The following ADAM9 variants were observed in gnomAD, a reference collection of about 807,000 sequenced individuals.
ADAM9 encodes disintegrin and metalloproteinase domain-containing protein 9.
Under a neutral mutation model 108.1 loss-of-function variants are expected in ADAM9, and 54 were observed. The observed-to-expected ratio is 0.50, with a 90% CI of 0.40 to 0.63. ADAM9 has a LOEUF of 0.63. Among genes scored for constraint, ADAM9 ranks in the 20% least tolerant of loss-of-function variants. The pLI is 0.00. For missense variants in ADAM9, 830 were observed against 997.7 expected (o/e 0.83, Z 2.26); for synonymous variants, 316 against 336.0 (o/e 0.94, Z 0.65).
intron 12 of ADAM9, among the ~76,000 whole-genome samples, chr8:39,042,710 T>C (rs1309368231): frequency 1.3e-5 from 2 of 152,234 alleles, no homozygotes; most frequent in Admixed American, 6.5e-5. Context: ...ATACAGTAGG[T>C]ACATTTATAA....
At chr8:39,101,592 G>T (rs1839695911) in intron 20 of ADAM9, among the ~76,000 whole-genome samples, 1 of 152,114 alleles carries the variant, frequency 6.6e-6, no homozygotes, top group Non-Finnish European at 1.5e-5. Flanking sequence ...AAATTACCCT[G>T]AGGTTATATG....
intron 1 of ADAM9, among the ~76,000 whole-genome samples, chr8:39,002,127 A>G (rs1836014564): frequency 6.6e-6 from 1 of 151,620 alleles, no homozygotes; most frequent in East Asian, 1.9e-4. Context: ...GATCTAATTG[A>G]AACAATTTCT....
chr8:39,077,153 G>A, intron 15 of ADAM9, 75 bp from the exon 16 acceptor site: 1 of 1,501,234 alleles, frequency 6.7e-7, no homozygotes. Context: ...CTGTCCATAT[G>A]CAAATATATA....
At chr8:39,066,974 A>G (rs1256626227) in intron 14 of ADAM9, among the ~76,000 whole-genome samples, 2 of 152,216 alleles carry the variant, frequency 1.3e-5, no homozygotes, top group Non-Finnish European at 2.9e-5. Context: ...ACATATGGCT[A>G]GCCAGTTTTC....
At chr8:39,032,991 C>T (rs575936300) in intron 11 of ADAM9, among the ~76,000 whole-genome samples, 1 of 152,112 alleles carries the variant, frequency 6.6e-6, no homozygotes, top group Non-Finnish European at 1.5e-5. Context: ...TGATTAGGAT[C>T]GCATTGAATG....
At chr8:39,011,463 T>C (rs978283493) in intron 2 of ADAM9, among the ~76,000 whole-genome samples, 195 bp from the exon 3 acceptor site, 1 of 152,206 alleles carries the variant, frequency 6.6e-6, no homozygotes, top group Non-Finnish European at 1.5e-5. Context: ...TGATCAGTTA[T>C]GAAAGGAAGG....
chr8:39,011,584 T>C, intron 2 of ADAM9, 74 bp from the exon 3 acceptor site: 1 of 1,351,158 alleles, frequency 7.4e-7, no homozygotes, highest in Admixed American at 1.7e-5. Flanking sequence ...ATTTCCTGCA[T>C]CTTATAAATG....
intron 14 of ADAM9, among the ~76,000 whole-genome samples, chr8:39,060,138 T>C (rs1337063188): frequency 6.6e-6 from 1 of 152,218 alleles, no homozygotes; most frequent in African/African-American, 2.4e-5. Context: ...ATTTCTACTT[T>C]AAGGCCCAGT....
At chr8:39,037,118 GC>G (rs1837304588) in intron 11 of ADAM9, among the ~76,000 whole-genome samples, 1 of 125,728 alleles carries the variant, frequency 8.0e-6, no homozygotes, top group Non-Finnish European at 1.6e-5. Flanking sequence ...GTGCAGTGGC[GC>G]AGTCTCGGCT....
At chr8:39,057,955 C>T (rs967826462) in intron 14 of ADAM9, among the ~76,000 whole-genome samples, 3 of 152,148 alleles carry the variant, frequency 2.0e-5, no homozygotes, top group Admixed American at 6.5e-5. Context: ...CCCATAGACA[C>T]CTTAAACCAT....
chr8:39,015,230 G>A (rs1836488499), intron 4 of ADAM9: 1 of 152,164 alleles, frequency 6.6e-6, no homozygotes. Context: ...TGTAATAATA[G>A]TTACCACTTT....
chr8:39,002,673 T>G (rs190377962), intron 1 of ADAM9, among the ~76,000 whole-genome samples: 1 of 152,160 alleles, frequency 6.6e-6, no homozygotes, highest in Non-Finnish European at 1.5e-5. Flanking sequence ...ATTACTATTA[T>G]GAAAAGTGTG....
intron 18 of ADAM9, chr8:39,089,840 A>C: frequency 5.2e-6 from 3 of 572,912 alleles, no homozygotes; most frequent in Non-Finnish European, 9.3e-6. Context: ...GTAAGGTTAC[A>C]GAAGAAACTA....
rs989213609 is a variant in ADAM9, at chr8:39,105,027, C to T, written c.*1327C>T. ...TTTTGTGTCTCCTAGTAGCTTCCTA[C>T]TCAACTATTTATAATCTCATTAATT... On this transcript the variant is annotated 3_prime_UTR_variant, in exon 22 of 22. Coordinates refer to ENST00000487273, the MANE Select transcript of ADAM9 (RefSeq NM_003816.3). 1.9e-5 allele frequency: 8 copies of T among 418,942 alleles called. No individual in the cohort carries two copies. The highest frequency in any genetic ancestry group is 4.2e-5 in the African/African-American group (2 of 47,762). 26.0% of individuals were successfully genotyped at this position (418,942 alleles called of 1,614,324 possible).
At chr8:39,032,494 T>G (rs917792131) in intron 11 of ADAM9, among the ~76,000 whole-genome samples, 1 of 152,258 alleles carries the variant, frequency 6.6e-6, no homozygotes, top group African/African-American at 2.4e-5. Context: ...GGATGTAATC[T>G]CCTGGTGTGC....
intron 20 of ADAM9, among the ~76,000 whole-genome samples, chr8:39,091,698 G>C (rs1463231487): frequency 6.6e-6 from 1 of 152,160 alleles, no homozygotes; most frequent in Non-Finnish European, 1.5e-5. Flanking sequence ...CATTGGCCAG[G>C]CTGGTCTTGA....
At chr8:38,997,442 C>G (rs921188603) in intron 1 of ADAM9, among the ~76,000 whole-genome samples, 7 of 152,132 alleles carry the variant, frequency 4.6e-5, no homozygotes, top group African/African-American at 1.7e-4. Context: ...CGCCGCCTCG[C>G]GCGACCCCGG....
intron 1 of ADAM9, among the ~76,000 whole-genome samples, chr8:38,998,470 C>G (rs1475795816): frequency 6.6e-6 from 1 of 152,126 alleles, no homozygotes; most frequent in Non-Finnish European, 1.5e-5. Context: ...TCATTACCGA[C>G]CTGCATTAGG....
intron 16 of ADAM9, among the ~76,000 whole-genome samples, chr8:39,078,178 C>T (rs1010545972): frequency 6.6e-6 from 1 of 152,148 alleles, no homozygotes; most frequent in Admixed American, 6.5e-5. Context: ...TTTCTCACTT[C>T]TCTTTACAAG....
Sources: allele counts gnomAD v4.1 joint callset (sites outside exome capture counted in the v4.1 genomes callset), GRCh38; gene constraint gnomAD v4.1.1; transcripts MANE v1.5; gene names NCBI Gene and HGNC (gene_info 2026-07-23, HGNC 2026-07-21).